The following SOHLH2 variants were observed in gnomAD, a reference collection of about 807,000 sequenced individuals.
SOHLH2 encodes spermatogenesis and oogenesis specific basic helix-loop-helix 2, also known as spermatogenesis- and oogenesis-specific basic helix-loop-helix-containing protein 2.
A neutral mutation model predicts 50.4 loss-of-function variants in SOHLH2; 22 were observed. The observed-to-expected ratio is 0.44, with a 90% CI of 0.31 to 0.62. SOHLH2 has a LOEUF of 0.62. SOHLH2 is among the 20% of genes least tolerant of loss of function. The pLI is 0.08. For synonymous variants in SOHLH2, 185 were observed against 187.3 expected, an observed-to-expected ratio of 0.99 and a Z score of 0.10; for missense variants, 412 against 504.4, an observed-to-expected ratio of 0.82 and a Z score of 1.76.
chr13:36,200,117 CTCATCTG>C (rs1418554025), intron 2 of SOHLH2, among the ~76,000 whole-genome samples: 1 of 152,194 alleles, frequency 6.6e-6, no homozygotes. Flanking sequence ...CCTCAGTTTT[CTCATCTG>C]TCAAGTAAGG....
intron 1 of SOHLH2, among the ~76,000 whole-genome samples, chr13:36,209,514 T>G (rs536354938): frequency 6.6e-6 from 1 of 152,272 alleles, no homozygotes; most frequent in Admixed American, 6.5e-5. Flanking sequence ...GATGGCAATT[T>G]ATTTGTGTTC....
chr13:36,186,351 C>T (rs1472573831), intron 6 of SOHLH2, among the ~76,000 whole-genome samples: 2 of 152,146 alleles, frequency 1.3e-5, no homozygotes, highest in Non-Finnish European at 2.9e-5. Context: ...AAAGACTTAA[C>T]ATTTTCCCTC....
chr13:36,174,680 A>T, intron 7 of SOHLH2, 42 bp downstream of exon 7: 4 of 1,594,362 alleles, frequency 2.5e-6, no homozygotes, highest in Non-Finnish European at 3.4e-6. Context: ...GTATTAAAGC[A>T]TGTCTATAAG....
At chr13:36,192,028 C>G (rs928858491) in intron 4 of SOHLH2, 134 bp from the exon 5 acceptor site, 12 of 996,532 alleles carry the variant, frequency 1.2e-5, no homozygotes, top group Non-Finnish European at 1.7e-5. Flanking sequence ...ATTTTTAAAA[C>G]TGAAAGCAAT....
At chr13:36,190,176 G>C (rs1301311420) in intron 5 of SOHLH2, 120 bp from the exon 6 acceptor site, 26 of 790,896 alleles carry the variant, frequency 3.3e-5, no homozygotes, top group Non-Finnish European at 4.5e-5. Flanking sequence ...TTCATACAAA[G>C]GGGCAATAAG....
In SOHLH2 at chr13:36,175,466, C is replaced by A. The variant is rs577897371; in HGVS notation, c.642-597G>T. On this transcript the variant is annotated intron_variant, in intron 6 of 10. Transcript: ENST00000379881. ...CAGACAGAACGAGCAGACCAGGATG[C>A]AGGTATCAGAAAGAAACTAACCTGT... Among the ~76,000 whole-genome samples the A allele has an allele frequency of 3.3e-5, 5 of 152,270 alleles. No individual in the cohort carries two copies. In the South Asian group the frequency reaches 1.0e-3, roughly 32 times the overall value.
chr13:36,179,115 T>G (rs1322850057), intron 6 of SOHLH2, among the ~76,000 whole-genome samples: 1 of 152,198 alleles, frequency 6.6e-6, no homozygotes, highest in Non-Finnish European at 1.5e-5. Context: ...CTTGCCTAAT[T>G]GCAATGGCTA....
intron 6 of SOHLH2, among the ~76,000 whole-genome samples, chr13:36,178,863 A>G (rs1332023300): frequency 6.8e-6 from 1 of 147,758 alleles, no homozygotes; most frequent in Admixed American, 6.7e-5. Flanking sequence ...TCCTAAAGCT[A>G]TTTTATTCTA....
At position 36,201,952 on chromosome 13, in the gene SOHLH2, T is replaced by C. The variant is rs2138318906; in HGVS notation, c.190A>G (p.Ile64Val). 1 of 1,614,224 alleles carries C rather than the reference T, an allele frequency of 6.2e-7. No individual in the cohort carries two copies. Among genetic ancestry groups the C allele is most frequent in the South Asian group, 1.1e-5 (1 of 91,090 alleles). Residue 64 changes from isoleucine to valine, a missense_variant, in exon 2 of 11, where the codon ATA (isoleucine) becomes GTA (valine). Coordinates refer to ENST00000379881, the MANE Select transcript of SOHLH2 (RefSeq NM_017826.3). ...ACCTTCAAGAGAACCATGTTGAATATGCAATCATCCAAAAGCGCTGCTGCC... is the reference window on the plus strand; with the variant it reads ...ACCTTCAAGAGAACCATGTTGAATACGCAATCATCCAAAAGCGCTGCTGCC... ...KEAAALLDDC[I>V]FNMVLLKVPS...
chr13:36,188,996 A>G (rs373306298), intron 6 of SOHLH2, among the ~76,000 whole-genome samples: 11 of 152,172 alleles, frequency 7.2e-5, no homozygotes, highest in African/African-American at 2.7e-4. Context: ...AAATAAAAAT[A>G]TATTTACCTC....
intron 2 of SOHLH2, among the ~76,000 whole-genome samples, chr13:36,201,512 G>C (rs962421878): frequency 1.3e-5 from 2 of 149,444 alleles, no homozygotes; most frequent in Non-Finnish European, 3.0e-5. Context: ...TCACTCTGTC[G>C]TCCAGGTTAG....
chr13:36,195,710 A>G (rs1158496351), intron 2 of SOHLH2, among the ~76,000 whole-genome samples: 1 of 152,200 alleles, frequency 6.6e-6, no homozygotes, highest in Non-Finnish European at 1.5e-5. Context: ...ACCTTTGGTA[A>G]AGTTAAATAT....
chr13:36,169,083 A>G (rs1397651509), intron 10 of SOHLH2, 29 bp from the exon 11 acceptor site: 1 of 1,601,748 alleles, frequency 6.2e-7, no homozygotes, highest in Middle Eastern at 1.7e-4. Context: ...AACCCACATT[A>G]ATTGAATCCT....
chr13:36,201,586 T>G (rs539065223), intron 2 of SOHLH2, among the ~76,000 whole-genome samples: 2 of 152,030 alleles, frequency 1.3e-5, no homozygotes, highest in South Asian at 4.1e-4. Context: ...CCCACCTCAG[T>G]CCTCCCAGTA....
At chr13:36,188,781 G>A (rs115636014) in intron 6 of SOHLH2, among the ~76,000 whole-genome samples, 2,980 of 152,146 alleles carry the variant, frequency 0.02, 82 homozygotes, top group African/African-American at 0.068. Context: ...TCTTTCTAAG[G>A]TTCTTTTCTC....
rs190807976 is a variant in SOHLH2 at position 36,213,214 on chromosome 13, C to T, written c.48+1265G>A. Among the ~76,000 whole-genome samples, 479 of 152,180 alleles carry T rather than the reference C, an allele frequency of 3.1e-3. 9 individuals are homozygous for T. The highest frequency in any genetic ancestry group is 9.6e-4 in the Non-Finnish European group (65 of 68,010). On this transcript the variant is annotated intron_variant, in intron 1 of 10. Coordinates refer to ENST00000379881, the MANE Select transcript of SOHLH2 (RefSeq NM_017826.3). ...ACACTCTCTTAAGGGGAGGAAACCACAATTATTTATGTTCTACTAGATAAT... is the reference window on the plus strand; with the variant it reads ...ACACTCTCTTAAGGGGAGGAAACCATAATTATTTATGTTCTACTAGATAAT...
At chr13:36,213,772 C>T (rs1869262139) in intron 1 of SOHLH2, among the ~76,000 whole-genome samples, 1 of 152,134 alleles carries the variant, frequency 6.6e-6, no homozygotes, top group African/African-American at 2.4e-5. Flanking sequence ...CACAAAGTTG[C>T]CTGTTTGGGG....
chr13:36,173,063 G>A (rs561350583), intron 9 of SOHLH2, among the ~76,000 whole-genome samples: 26 of 152,250 alleles, frequency 1.7e-4, no homozygotes, highest in African/African-American at 6.3e-4. Flanking sequence ...GCCTCCCAGC[G>A]GGAAAGCATT....
At chr13:36,169,740 C>T (rs1392209738) in intron 10 of SOHLH2, among the ~76,000 whole-genome samples, 5 of 152,154 alleles carry the variant, frequency 3.3e-5, no homozygotes, top group Non-Finnish European at 4.4e-5. Flanking sequence ...ATATGCTGAC[C>T]CATCTGCCAG....
Sources: gnomAD v4.1 joint callset for allele counts (sites outside exome capture counted in the v4.1 genomes callset) on GRCh38, gnomAD v4.1.1 for gene constraint, MANE v1.5 for transcripts, NCBI Gene and HGNC (gene_info 2026-07-23, HGNC 2026-07-21) for gene names.